Variants in RBFOX1 observed in about 807,000 individuals in gnomAD.
The protein encoded by RBFOX1 is RNA binding protein fox-1 homolog 1.
A neutral mutation model predicts 57.7 loss-of-function variants in RBFOX1; 8 were observed. The observed-to-expected ratio is 0.14, with a 90% CI of 0.08 to 0.25. RBFOX1 has a LOEUF of 0.25. Among genes scored for constraint, RBFOX1 ranks in the 10% least tolerant of loss-of-function variants. RBFOX1 has a pLI of 1.00. For synonymous variants in RBFOX1, 326 were observed against 222.4 expected (o/e 1.47, Z -4.15); for missense variants, 611 against 548.5 (o/e 1.11, Z -1.14).
At chr16:6,467,601 T>C (rs1441087155) in intron 2 of RBFOX1, among the ~76,000 whole-genome samples, 1 of 152,100 alleles carries the variant, frequency 6.6e-6, no homozygotes, top group East Asian at 1.9e-4. Flanking sequence ...GGAGGAAAAA[T>C]GTTGTTTCCT....
At chr16:6,321,280 C>G (rs1023117403) in intron 2 of RBFOX1, among the ~76,000 whole-genome samples, 4 of 152,088 alleles carry the variant, frequency 2.6e-5, no homozygotes, top group Admixed American at 1.3e-4. Context: ...GGCTTGTAAC[C>G]TGATACTGTA....
intron 3 of RBFOX1, among the ~76,000 whole-genome samples, chr16:5,770,971 C>T (rs917117118): frequency 1.3e-5 from 2 of 152,158 alleles, no homozygotes; most frequent in African/African-American, 4.8e-5. Flanking sequence ...TGTCTCTGGC[C>T]ACGACCCTTT....
chr16:5,248,514 G>A (rs777819709), intron 1 of RBFOX1, among the ~76,000 whole-genome samples: 7 of 152,188 alleles, frequency 4.6e-5, no homozygotes, highest in Non-Finnish European at 5.9e-5. Context: ...CAGGGTTCCT[G>A]CCTTAGCTTC....
At chr16:5,668,685 A>G (rs1259571065) in intron 3 of RBFOX1, among the ~76,000 whole-genome samples, 2 of 152,170 alleles carry the variant, frequency 1.3e-5, no homozygotes, top group Non-Finnish European at 2.9e-5. Flanking sequence ...CCCTATCATC[A>G]AGATGTCTCT....
chr16:5,346,537 C>A (rs1293151544), intron 1 of RBFOX1, among the ~76,000 whole-genome samples: 2 of 152,132 alleles, frequency 1.3e-5, no homozygotes, highest in Non-Finnish European at 2.9e-5. Context: ...GGTAATAGGA[C>A]CTTTATATCA....
At chr16:6,426,632 A>G (rs975231030) in intron 2 of RBFOX1, among the ~76,000 whole-genome samples, 14 of 152,182 alleles carry the variant, frequency 9.2e-5, no homozygotes, top group Non-Finnish European at 1.9e-4. Context: ...CCTTGTCTCA[A>G]AAATCAAAAC....
chr16:6,584,780 C>G (rs1353671978), intron 2 of RBFOX1, among the ~76,000 whole-genome samples: 1 of 152,180 alleles, frequency 6.6e-6, no homozygotes, highest in Admixed American at 6.5e-5. Flanking sequence ...ACCAGCCTGG[C>G]ACCGATCACT....
chr16:6,330,529 T>G (rs11077031), intron 2 of RBFOX1, among the ~76,000 whole-genome samples: 1 of 152,002 alleles, frequency 6.6e-6, no homozygotes, highest in South Asian at 2.1e-4. Flanking sequence ...CATCTCTTCC[T>G]TACTGGAATT....
At chr16:6,685,308 C>G (rs963340885) in intron 3 of RBFOX1, among the ~76,000 whole-genome samples, 1 of 133,104 alleles carries the variant, frequency 7.5e-6, no homozygotes, top group Non-Finnish European at 1.6e-5. Flanking sequence ...TGGAGTCTCA[C>G]CCTGTTGCCC....
intron 2 of RBFOX1, among the ~76,000 whole-genome samples, chr16:5,495,031 A>G (rs2042957398): frequency 6.6e-6 from 1 of 152,188 alleles, no homozygotes; most frequent in Non-Finnish European, 1.5e-5. Flanking sequence ...ACTGCTATAA[A>G]AGACATACCT....
chr16:5,398,983 T>C (rs895079375), intron 1 of RBFOX1, among the ~76,000 whole-genome samples: 1 of 152,210 alleles, frequency 6.6e-6, no homozygotes. Context: ...CCAGCTTTTC[T>C]CCTTCTCTTC....
At chr16:5,667,612 A>G (rs1157793881) in intron 3 of RBFOX1, among the ~76,000 whole-genome samples, 1 of 152,142 alleles carries the variant, frequency 6.6e-6, no homozygotes, top group East Asian at 1.9e-4. Context: ...TCTTGCTTGT[A>G]TATTCGGGTT....
chr16:7,217,600 G>C lies in RBFOX1; in HGVS notation c.27+165502G>C, dbSNP rs960912319. Among the ~76,000 whole-genome samples, 3 of 151,916 alleles carry C rather than the reference G, an allele frequency of 2.0e-5. No homozygotes were observed. In the East Asian group the frequency reaches 5.8e-4, roughly 29 times the overall value. ...ATGACAAAGGGTCATGAGAGGCCTG[G>C]TTCTGAGAATATAATCAATTACTTG... On this transcript the variant is annotated intron_variant, in intron 4 of 15. Coordinates refer to ENST00000550418, the MANE Select transcript of RBFOX1 (RefSeq NM_018723.4).
chr16:5,590,540 A>T (rs4786726), intron 2 of RBFOX1, among the ~76,000 whole-genome samples: 22,003 of 152,128 alleles, frequency 0.14, 2,083 homozygotes, highest in East Asian at 0.45. Context: ...AGTTGGCTGC[A>T]TGCTCTTGGC....
chr16:6,297,386 G>A (rs532236576), intron 1 of RBFOX1, among the ~76,000 whole-genome samples: 25 of 150,220 alleles, frequency 1.7e-4, no homozygotes, highest in African/African-American at 3.4e-4. Flanking sequence ...TGGAGAGCAC[G>A]GATAGGCTCT....
chr16:7,024,907 C>G (rs185582924), intron 3 of RBFOX1, among the ~76,000 whole-genome samples: 11 of 152,204 alleles, frequency 7.2e-5, no homozygotes, highest in Admixed American at 6.5e-4. Flanking sequence ...TGCTGCACTC[C>G]TCACTTTATA....
intron 2 of RBFOX1, among the ~76,000 whole-genome samples, chr16:5,531,804 T>G: frequency 6.7e-5 from 1 of 14,824 alleles, no homozygotes; most frequent in South Asian, 4.2e-3. Context: ...CAAGAGGTCT[T>G]TTTTTTTTTT....
intron 4 of RBFOX1, among the ~76,000 whole-genome samples, chr16:7,232,270 A>G (rs1201659607): frequency 6.6e-6 from 1 of 152,098 alleles, no homozygotes; most frequent in African/African-American, 2.4e-5. Context: ...TTTACTTTAA[A>G]TGGTTAACAA....
rs535431146 is a variant in RBFOX1 at position 5,528,490 on chromosome 16, A to G, written c.258+61236A>G. On this transcript the variant is annotated intron_variant, in intron 2 of 2. Coordinates refer to the RBFOX1 transcript ENST00000585867. ...GTGGCCCTTACTGCCTAAAGCGACA[A>G]TGGCATTATAGGTCAAAGCAATCTG... Among the ~76,000 whole-genome samples the G allele has an allele frequency of 3.3e-3, 501 of 151,006 alleles. 6 individuals carry two copies. Among genetic ancestry groups the G allele is most frequent in the African/African-American group, 0.012 (478 of 41,058 alleles).
Sources: gnomAD v4.1 joint callset for allele counts (sites outside exome capture counted in the v4.1 genomes callset) on GRCh38, gnomAD v4.1.1 for gene constraint, MANE v1.5 for transcripts, NCBI Gene and HGNC (gene_info 2026-07-23, HGNC 2026-07-21) for gene names.